The following GALNT15 variants were observed in gnomAD, a reference collection of about 807,000 sequenced individuals.
GALNT15 encodes polypeptide N-acetylgalactosaminyltransferase 15.
Under a neutral mutation model 66.8 loss-of-function variants are expected in GALNT15, and 67 were observed. That is an observed-to-expected ratio of 1.00 (90% CI 0.82 to 1.23). The LOEUF is 1.23. Ranked by LOEUF, GALNT15 falls within the 50% of genes most tolerant of loss-of-function variation. The probability of loss-of-function intolerance (pLI) is 0.00; values close to 1 mark genes in which losing one functional copy is unlikely to be tolerated. For synonymous variants in GALNT15, 313 were observed against 311.5 expected (o/e 1.00, Z -0.05); for missense variants, 827 against 804.3 (o/e 1.03, Z -0.34).
chr3:16,199,317 C>A (rs2063674725), intron 2 of GALNT15, among the ~76,000 whole-genome samples: 1 of 141,906 alleles, frequency 7.0e-6, no homozygotes, highest in African/African-American at 2.6e-5. Flanking sequence ...GCCTCTTTTT[C>A]TCCCTTCCCC....
intron 1 of GALNT15, among the ~76,000 whole-genome samples, chr3:16,178,112 T>C (rs2063430458): frequency 6.6e-6 from 1 of 152,210 alleles, no homozygotes; most frequent in African/African-American, 2.4e-5. Context: ...GTATGTATTC[T>C]TTGTGTGTTG....
At chr3:16,233,197 G>A (rs941930919), downstream of GALNT15, among the ~76,000 whole-genome samples, 3 of 146,812 alleles carry the variant, frequency 2.0e-5, no homozygotes, top group Admixed American at 1.4e-4. Context: ...CTGGGTTCAA[G>A]CGATTCTCTG....
At position 16,180,457 on chromosome 3, in the gene GALNT15, G is replaced by A. The variant is rs1327892385; in HGVS notation, c.539+4767G>A. Among the ~76,000 whole-genome samples the A allele has an allele frequency of 1.3e-5, 2 of 152,204 alleles. No individual in the cohort carries two copies. The highest frequency in any genetic ancestry group is 2.9e-5 in the Non-Finnish European group (2 of 68,048). On this transcript the variant is annotated intron_variant, in intron 1 of 9. Transcript: ENST00000339732. This position sits in a 1 kb window ranked among gnomAD's most constrained non-coding sequence, Gnocchi z 5.0. The stretch of plus-strand genomic sequence containing the variant: ...CCCACAGAGCACATTTTTCAACAGT[G>A]AGGAGTTACACCACGACTTCCCAAA...
the GALNT15 span, among the ~76,000 whole-genome samples, chr3:16,246,705 AATAGATTCTGCATAT>A: frequency 1.3e-5 from 2 of 152,226 alleles, no homozygotes; most frequent in Admixed American, 6.5e-5. Context: ...AGTAGGGAAT[AATAGATTCTGCATAT>A]ATAGGAATAC....
At chr3:16,207,665 GC>G (rs2063772427) in intron 3 of GALNT15, among the ~76,000 whole-genome samples, 1 of 152,068 alleles carries the variant, frequency 6.6e-6, no homozygotes, top group African/African-American at 2.4e-5. Flanking sequence ...TACTTCTAGG[GC>G]TTGGAAATCC....
In GALNT15 at chr3:16,203,541, T is replaced by TCA. The variant is rs1313366291; in HGVS notation, c.911+2719_911+2720insAC. 0.017 allele frequency among the ~76,000 whole-genome samples: 988 copies of TCA among 58,574 alleles called. 5 individuals carry two copies. Among genetic ancestry groups the TCA allele is most frequent in the East Asian group, 0.051 (81 of 1,594 alleles). 38.4% of individuals were successfully genotyped at this position (58,574 alleles called of 152,430 possible). On this transcript the variant is annotated intron_variant, in intron 3 of 9. Coordinates refer to ENST00000339732, the MANE Select transcript of GALNT15 (RefSeq NM_054110.5). This position sits in a 1 kb window ranked among gnomAD's most constrained non-coding sequence, Gnocchi z 6.2. ...CTCATTCTCTCTCTCTCTCTCTCTC[T>TCA]CTCACACACACACACACACACACAC...
chr3:16,215,916 A>AAACAAAAAAAAAACAAAAAAAAAC (rs1019009823), intron 6 of GALNT15, among the ~76,000 whole-genome samples: 1 of 143,454 alleles, frequency 7.0e-6, no homozygotes, highest in Non-Finnish European at 1.5e-5. Context: ...CAAAAAAAAA[A>AAACAAAAAAAAAACAAAAAAAAAC]AAAAAAAAAG....
chr3:16,219,651 G>C lies in GALNT15; in HGVS notation c.1524+117G>C. ...ATTCACGGTTTAGCAGGGCCTCAGA[G>C]GCCTTGGGTCCATCCCGTGCCTCCA... is the stretch of plus-strand genomic sequence containing the variant. On this transcript the variant is annotated intron_variant, in intron 7 of 9. Transcript: ENST00000339732. The surrounding 1 kb of genome is among the most constrained non-coding windows in gnomAD (Gnocchi z 4.3). 1 of 1,409,010 alleles carries C rather than the reference G, an allele frequency of 7.1e-7. No homozygotes were observed. Among genetic ancestry groups the C allele is most frequent in the Non-Finnish European group, 9.7e-7 (1 of 1,029,178 alleles). The allele number at this position is 1,409,010 out of a possible 1,614,324, so 87.3% of individuals were successfully genotyped here.
chr3:16,202,633 G>A (rs532488609), intron 3 of GALNT15, among the ~76,000 whole-genome samples: 7 of 152,190 alleles, frequency 4.6e-5, no homozygotes, highest in Admixed American at 2.6e-4. Flanking sequence ...ACTCCATCCC[G>A]AAAAGAAAAG....
At chr3:16,196,773 G>A (rs187174039) in intron 2 of GALNT15, among the ~76,000 whole-genome samples, 121 of 152,332 alleles carry the variant, frequency 7.9e-4, no homozygotes, top group African/African-American at 2.9e-3. Context: ...TTTGGCTTGG[G>A]CGTGAGGCCT....
chr3:16,186,195 A>T lies in GALNT15; in HGVS notation c.540-9565A>T, dbSNP rs1259728014. ...AAAATGGTCAATAGCACACGAAAAG[A>T]TGTTCAAATCATTAGTCAGTAGGAA... On this transcript the variant is annotated intron_variant, in intron 1 of 9. Coordinates refer to ENST00000339732, the MANE Select transcript of GALNT15 (RefSeq NM_054110.5). This position sits in a 1 kb window ranked among gnomAD's most constrained non-coding sequence, Gnocchi z 5.1. 6.6e-6 allele frequency among the ~76,000 whole-genome samples: 1 copy of T among 152,224 alleles called. No homozygotes were observed. Among genetic ancestry groups the T allele is most frequent in the Non-Finnish European group, 1.5e-5 (1 of 68,020 alleles).
At chr3:16,205,942 G>C (rs913746299) in intron 3 of GALNT15, among the ~76,000 whole-genome samples, 1 of 152,146 alleles carries the variant, frequency 6.6e-6, no homozygotes, top group African/African-American at 2.4e-5. Context: ...GAGGGTATTG[G>C]GAATCAGGGG....
Position 16,187,220 on chromosome 3 carries a change from T to C in GALNT15, c.540-8540T>C, listed in dbSNP as rs946305873. Among the ~76,000 whole-genome samples the C allele has an allele frequency of 2.0e-5, 3 of 151,954 alleles. No individual in the cohort carries two copies. The highest frequency in any genetic ancestry group is 7.3e-5 in the African/African-American group (3 of 41,362). ...TGGAGGTTGCAGTGAGCTAAGATAATGCCACTGCACTCCAGCCTGGGTGAC... is the reference window on the plus strand; with the variant it reads ...TGGAGGTTGCAGTGAGCTAAGATAACGCCACTGCACTCCAGCCTGGGTGAC... On this transcript the variant is annotated intron_variant, in intron 1 of 9. Transcript: ENST00000339732. The surrounding 1 kb of genome is among the most constrained non-coding windows in gnomAD (Gnocchi z 5.1).
At chr3:16,216,538 G>A (rs2063880584) in intron 6 of GALNT15, among the ~76,000 whole-genome samples, 1 of 151,478 alleles carries the variant, frequency 6.6e-6, no homozygotes, top group Non-Finnish European at 1.5e-5. Flanking sequence ...ATGAAAGTAA[G>A]TAAAGTACAT....
rs2063770902 is a variant in GALNT15 at position 16,207,550 on chromosome 3, CT to C, written c.912-952del. On this transcript the variant is annotated intron_variant, in intron 3 of 9. Coordinates refer to ENST00000339732, the MANE Select transcript of GALNT15 (RefSeq NM_054110.5). ...AAAAAAAAAAAAAAAAAAATTGGGC[CT>C]AAAATTCCCCACCATTACCGGGAAA... Among the ~76,000 whole-genome samples, 3 of 6,872 alleles carry C rather than the reference CT, an allele frequency of 4.4e-4. 1 individual carries two copies. Among genetic ancestry groups the C allele is most frequent in the Non-Finnish European group, 9.0e-4 (3 of 3,316 alleles). 4.5% of individuals were successfully genotyped at this position (6,872 alleles called of 152,430 possible). A position where few individuals can be genotyped will look rare whatever the true frequency, so the allele number is the denominator to read the frequency against.
At chr3:16,240,134 A>G in the GALNT15 span, among the ~76,000 whole-genome samples, 465 of 152,380 alleles carry the variant, frequency 3.1e-3, 7 homozygotes, top group African/African-American at 0.011. Flanking sequence ...CTGTGCTGTG[A>G]CAAATTTCAC....
In GALNT15 at chr3:16,211,291, G is replaced by A. The variant is rs2063812418; in HGVS notation, c.1197+50G>A. The A allele has an allele frequency of 2.6e-6, 3 of 1,175,046 alleles. No individual in the cohort carries two copies. The highest frequency in any genetic ancestry group is 2.5e-5 in the South Asian group (2 of 81,444). The allele number at this position is 1,175,046 out of a possible 1,614,324, so 72.8% of individuals were successfully genotyped here. On this transcript the variant is annotated intron_variant, in intron 5 of 9. Coordinates refer to ENST00000339732, the MANE Select transcript of GALNT15 (RefSeq NM_054110.5). The surrounding 1 kb of genome is among the most constrained non-coding windows in gnomAD (Gnocchi z 4.3). The stretch of plus-strand genomic sequence containing the variant: ...AGAGGTGGGATCTCTGGAGTGGTGT[G>A]TATGGTCACAGCTCAGAGGCAGGCA...
chr3:16,191,685 GCAAGGAGT>G lies in GALNT15; in HGVS notation c.540-4074_540-4067del. Among the ~76,000 whole-genome samples the G allele has an allele frequency of 6.6e-6, 1 of 152,316 alleles. No homozygotes were observed. Among genetic ancestry groups the G allele is most frequent in the South Asian group, 2.1e-4 (1 of 4,824 alleles). On this transcript the variant is annotated intron_variant, in intron 1 of 9. Transcript: ENST00000339732. The surrounding 1 kb of genome is among the most constrained non-coding windows in gnomAD (Gnocchi z 5.2). Reference sequence around the variant, plus strand: ...CACATCTCCTTACTTTGAGTAATATGCAAGGAGTGTGATCTTAAAGAGCTAGAGTTTAA... The same window carrying G: ...CACATCTCCTTACTTTGAGTAATATGGTGATCTTAAAGAGCTAGAGTTTAA...
the GALNT15 span, among the ~76,000 whole-genome samples, chr3:16,239,468 T>C: frequency 6.6e-6 from 1 of 152,088 alleles, no homozygotes; most frequent in Non-Finnish European, 1.5e-5. The surrounding 1 kb of genome is among the most constrained non-coding windows in gnomAD (Gnocchi z 5.2). Flanking sequence ...AATCCTGTGC[T>C]CACAATTCCT....
Sources: allele counts gnomAD v4.1 joint callset (sites outside exome capture counted in the v4.1 genomes callset), GRCh38; gene constraint gnomAD v4.1.1; non-coding constraint Gnocchi (gnomAD v3.1); transcripts MANE v1.5; gene names NCBI Gene and HGNC (gene_info 2026-07-23, HGNC 2026-07-21).